The following SDC2 variants were observed in gnomAD, a reference collection of about 807,000 sequenced individuals.
The protein encoded by SDC2 is syndecan 2, also known as syndecan-2.
SDC2 carries 13 observed loss-of-function variants against 22.2 expected under a neutral mutation model. That is an observed-to-expected ratio of 0.59 (90% CI 0.38 to 0.93). The LOEUF (loss-of-function observed/expected upper bound fraction) is 0.93. Among genes scored for constraint, SDC2 ranks in the 40% least tolerant of loss-of-function variants. The pLI, the probability that SDC2 is intolerant of heterozygous loss-of-function variation, is 0.00. For missense variants in SDC2, 235 were observed against 246.8 expected (o/e 0.95, Z 0.32); for synonymous variants, 94 against 92.8 (o/e 1.01, Z -0.07).
At chr8:96,580,409 G>A (rs971653032) in intron 1 of SDC2, 11 of 985,374 alleles carry the variant, frequency 1.1e-5, no homozygotes, top group Non-Finnish European at 1.3e-5. Flanking sequence ...TAATGCAACC[G>A]ATAGCTCCCA....
intron 1 of SDC2, among the ~76,000 whole-genome samples, chr8:96,534,125 GC>G (rs1813713071): frequency 6.6e-6 from 1 of 152,176 alleles, no homozygotes; most frequent in Non-Finnish European, 1.5e-5. Flanking sequence ...CCGAGCCCAC[GC>G]CCACCTGGAA....
intron 1 of SDC2, among the ~76,000 whole-genome samples, chr8:96,530,703 C>A (rs1813647525): frequency 6.6e-6 from 1 of 152,124 alleles, no homozygotes; most frequent in East Asian, 1.9e-4. Flanking sequence ...CATTTTAGGA[C>A]CTTACAGTGT....
intron 1 of SDC2, among the ~76,000 whole-genome samples, chr8:96,589,901 C>T (rs976048016): frequency 7.9e-5 from 12 of 152,138 alleles, no homozygotes; most frequent in African/African-American, 2.2e-4. Flanking sequence ...TAGCCAGAGC[C>T]GGGGGGCCAG....
At chr8:96,512,817 G>T (rs1234729723) in intron 1 of SDC2, among the ~76,000 whole-genome samples, 1 of 152,152 alleles carries the variant, frequency 6.6e-6, no homozygotes, top group African/African-American at 2.4e-5. Context: ...AAGAGTAAAA[G>T]AAAATATAAA....
chr8:96,544,139 G>C (rs1327403317), intron 1 of SDC2, among the ~76,000 whole-genome samples: 1 of 152,100 alleles, frequency 6.6e-6, no homozygotes, highest in East Asian at 1.9e-4. Context: ...TTGCTTTTCT[G>C]TTTTGGTTTA....
chr8:96,570,633 G>A (rs1340518295), intron 1 of SDC2, among the ~76,000 whole-genome samples: 1 of 152,194 alleles, frequency 6.6e-6, no homozygotes, highest in East Asian at 1.9e-4. Context: ...TGTCCATTGA[G>A]TACTTGAAAC....
At chr8:96,521,373 G>A (rs937864488) in intron 1 of SDC2, among the ~76,000 whole-genome samples, 29 of 152,256 alleles carry the variant, frequency 1.9e-4, no homozygotes, top group African/African-American at 6.7e-4. Context: ...CAGAACAGGC[G>A]TCCTGGGAAG....
chr8:96,563,972 A>T (rs1563663202), intron 1 of SDC2, among the ~76,000 whole-genome samples: 1 of 152,194 alleles, frequency 6.6e-6, no homozygotes, highest in Non-Finnish European at 1.5e-5. Context: ...CAGGCCCTAC[A>T]GCCAGTCAGC....
chr8:96,572,243 G>A (rs1347018886), intron 1 of SDC2, among the ~76,000 whole-genome samples: 4 of 152,188 alleles, frequency 2.6e-5, no homozygotes, highest in Non-Finnish European at 5.9e-5. Context: ...ACCCCTGGTG[G>A]AAAATGTTTG....
In SDC2 at chr8:96,540,340, G is replaced by GTGTATATATATATA. The variant is rs4058341; in HGVS notation, c.60+46010_60+46011insGTATATATATATAT. ...AACCCTGTCTCTACTATATATATGT[G>GTGTATATATATATA]TATATATATATATATAAAAATTAGT... On this transcript the variant is annotated intron_variant, in intron 1 of 4. Coordinates refer to ENST00000302190, the MANE Select transcript of SDC2 (RefSeq NM_002998.4). Among the ~76,000 whole-genome samples, 72 of 123,620 alleles carry GTGTATATATATATA rather than the reference G, an allele frequency of 5.8e-4. 1 individual carries two copies. The highest frequency in any genetic ancestry group is 2.0e-3 in the Admixed American group (22 of 10,952). 81.1% of individuals were successfully genotyped at this position (123,620 alleles called of 152,430 possible). A position where few individuals can be genotyped will look rare whatever the true frequency, so the allele number is the denominator to read the frequency against.
intron 2 of SDC2, among the ~76,000 whole-genome samples, chr8:96,597,724 A>T (rs1814903577): frequency 6.6e-6 from 1 of 152,256 alleles, no homozygotes; most frequent in Admixed American, 6.5e-5. Context: ...CGTGTCAAAA[A>T]TGAAAAGCTC....
At chr8:96,506,278 C>T (rs1166583246) in intron 1 of SDC2, among the ~76,000 whole-genome samples, 1 of 152,310 alleles carries the variant, frequency 6.6e-6, no homozygotes, top group Admixed American at 6.5e-5. Context: ...CCTGAATGAT[C>T]TGTTGATATT....
chr8:96,572,108 ACC>A lies in SDC2; in HGVS notation c.61-21371_61-21370del, dbSNP rs1001942854. Among the ~76,000 whole-genome samples, 11 of 152,074 alleles carry A rather than the reference ACC, an allele frequency of 7.2e-5. 1 individual carries two copies. The highest frequency in any genetic ancestry group is 2.7e-4 in the African/African-American group (11 of 41,464). On this transcript the variant is annotated intron_variant, in intron 1 of 4. Transcript: ENST00000302190. ...CCACCCTGTTTTTTTTCCCAAGTCC[ACC>A]TTGGTGGCCTCATTGTGTGTTACTA...
intron 1 of SDC2, among the ~76,000 whole-genome samples, chr8:96,522,991 T>G (rs945711436): frequency 6.6e-6 from 1 of 152,218 alleles, no homozygotes; most frequent in Non-Finnish European, 1.5e-5. Flanking sequence ...TGCTTGTTAC[T>G]TGGCGTTTGG....
chr8:96,608,370 C>A lies in SDC2; in HGVS notation c.342C>A (p.Leu114=), dbSNP rs764376104. ...AAACTGATAAAGAGAAAGTTCACCT[C>A]TCTGACTCAGAAAGGAAAATGGACC... ...PEETDKEKVH[L]SDSERKMDPA... Residue 114 remains leucine (L), a synonymous_variant, in exon 4 of 5, where the codon CTC becomes CTA. Transcript: ENST00000302190. 2.5e-6 allele frequency: 4 copies of A among 1,613,598 alleles called. No individual in the cohort carries two copies. Among genetic ancestry groups the A allele is most frequent in the Non-Finnish European group, 8.5e-7 (1 of 1,179,594 alleles).
chr8:96,513,256 T>C (rs1310452321), intron 1 of SDC2, among the ~76,000 whole-genome samples: 1 of 152,260 alleles, frequency 6.6e-6, no homozygotes, highest in Non-Finnish European at 1.5e-5. Flanking sequence ...CTGCTATAAA[T>C]GAATTAAAAT....
At chr8:96,564,378 G>T (rs896703369) in intron 1 of SDC2, among the ~76,000 whole-genome samples, 1 of 152,196 alleles carries the variant, frequency 6.6e-6, no homozygotes, top group African/African-American at 2.4e-5. Context: ...GTCCAAGGGT[G>T]AATGTGATTT....
chr8:96,532,913 AT>A (rs913791421), intron 1 of SDC2, among the ~76,000 whole-genome samples: 1 of 151,966 alleles, frequency 6.6e-6, no homozygotes, highest in Non-Finnish European at 1.5e-5. Context: ...TGCTAAAGGG[AT>A]TTTTTTTCTT....
At chr8:96,559,297 G>C (rs1407805918) in intron 1 of SDC2, among the ~76,000 whole-genome samples, 1 of 152,128 alleles carries the variant, frequency 6.6e-6, no homozygotes, top group Non-Finnish European at 1.5e-5. Flanking sequence ...AGAAAGGAAG[G>C]AATTGCTAGA....
Sources: allele counts gnomAD v4.1 joint callset (sites outside exome capture counted in the v4.1 genomes callset), GRCh38; gene constraint gnomAD v4.1.1; transcripts MANE v1.5; gene names NCBI Gene and HGNC (gene_info 2026-07-23, HGNC 2026-07-21).